TRAF3IP1: variants seen among roughly 807,000 people sequenced by gnomAD.
TRAF3IP1 encodes intraflagellar transport 54, also known as TRAF3-interacting protein 1.
TRAF3IP1 carries 53 observed loss-of-function variants against 89.9 expected under a neutral mutation model. The ratio of observed to expected loss-of-function variants is 0.59; its 90% confidence interval spans 0.47 to 0.74. TRAF3IP1 has a LOEUF of 0.74. TRAF3IP1 is among the 30% of genes least tolerant of loss of function. The pLI, the probability that TRAF3IP1 is intolerant of heterozygous loss-of-function variation, is 0.00. For synonymous variants in TRAF3IP1, 311 were observed against 322.1 expected (o/e 0.97, Z 0.37); for missense variants, 806 against 866.1 (o/e 0.93, Z 0.87).
chr2:238,333,431 A>G (rs565370407), intron 6 of TRAF3IP1, among the ~76,000 whole-genome samples: 3 of 152,260 alleles, frequency 2.0e-5, no homozygotes, highest in African/African-American at 7.2e-5. Context: ...TCCAATTTGC[A>G]TTTCAGGAGG....
chr2:238,328,157 G>C (rs1697930749), intron 3 of TRAF3IP1, among the ~76,000 whole-genome samples: 1 of 152,168 alleles, frequency 6.6e-6, no homozygotes, highest in Non-Finnish European at 1.5e-5. Flanking sequence ...TTGAGGAGCT[G>C]TTATACTATT....
At chr2:238,364,832 C>T (rs1202234989) in intron 15 of TRAF3IP1, among the ~76,000 whole-genome samples, 1 of 152,170 alleles carries the variant, frequency 6.6e-6, no homozygotes, top group East Asian at 1.9e-4. Context: ...AGACGTCACG[C>T]CCATATCTTG....
In TRAF3IP1 at chr2:238,338,343, G is replaced by A; in HGVS notation, c.1064-19G>A. 2 of 1,404,286 alleles carry A rather than the reference G, an allele frequency of 1.4e-6. No individual in the cohort carries two copies. The highest frequency in any genetic ancestry group is 1.4e-5 in the African/African-American group (1 of 69,302). The allele number at this position is 1,404,286 out of a possible 1,614,324, so 87.0% of individuals were successfully genotyped here. A position where few individuals can be genotyped will look rare whatever the true frequency, so the allele number is the denominator to read the frequency against. On this transcript the variant is annotated intron_variant, in intron 7 of 16. Coordinates refer to ENST00000373327, the MANE Select transcript of TRAF3IP1 (RefSeq NM_015650.4). ...ATCTTTTATAATATTTTAATCTGTT[G>A]TTAACTATTTTATGTCAGGAAGGAA... is the stretch of plus-strand genomic sequence containing the variant.
intron 3 of TRAF3IP1, among the ~76,000 whole-genome samples, chr2:238,327,414 C>T (rs71426517): frequency 0.027 from 4,116 of 152,230 alleles, 117 homozygotes; most frequent in South Asian, 0.066. Flanking sequence ...GCCTGGCACG[C>T]GGCAATCACG....
intron 15 of TRAF3IP1, among the ~76,000 whole-genome samples, chr2:238,390,502 G>A (rs1700949639): frequency 6.6e-6 from 1 of 152,118 alleles, no homozygotes; most frequent in Non-Finnish European, 1.5e-5. Flanking sequence ...TTCACTGTGC[G>A]CTAAAGTATT....
intron 14 of TRAF3IP1, 129 bp from the exon 15 acceptor site, chr2:238,355,875 T>G (rs1163982089): frequency 1.4e-6 from 1 of 694,744 alleles, no homozygotes; most frequent in African/African-American, 1.8e-5. Context: ...TAAAGATTAT[T>G]TGAAACTGTT....
chr2:238,334,257 CCT>C (rs1225676264), intron 7 of TRAF3IP1, among the ~76,000 whole-genome samples: 2 of 152,086 alleles, frequency 1.3e-5, no homozygotes, highest in East Asian at 1.9e-4. Flanking sequence ...CAGAGTAGCC[CCT>C]CTTTGCTGGA....
At chr2:238,366,162 G>A (rs1699865691) in intron 15 of TRAF3IP1, among the ~76,000 whole-genome samples, 2 of 151,970 alleles carry the variant, frequency 1.3e-5, no homozygotes, top group Admixed American at 1.3e-4. Flanking sequence ...AACCTGGGAG[G>A]CGGAGCTTGC....
Position 238,398,918 on chromosome 2 carries a change from G to A in TRAF3IP1, c.2075G>A (p.Ter692=). The A allele has an allele frequency of 6.3e-7, 1 of 1,595,634 alleles. No individual in the cohort carries two copies. The highest frequency in any genetic ancestry group is 8.5e-7 in the Non-Finnish European group (1 of 1,175,140). Reference sequence around the variant, plus strand: ...AGTATCAATTTGACTTCGAGAAGGTGAACACTCAAAAGTTTCAGAGATGAA... The same window carrying A: ...AGTATCAATTTGACTTCGAGAAGGTAAACACTCAAAAGTTTCAGAGATGAA... ...VYSINLTSRR[*] Residue 692 remains the stop codon, a stop_retained_variant, in exon 17 of 17, where the codon TGA becomes TAA. Coordinates refer to ENST00000373327, the MANE Select transcript of TRAF3IP1 (RefSeq NM_015650.4).
chr2:238,323,266 A>T (rs1697651880), intron 1 of TRAF3IP1, among the ~76,000 whole-genome samples: 1 of 152,046 alleles, frequency 6.6e-6, no homozygotes, highest in African/African-American at 2.4e-5. Context: ...TTTAGTAGAG[A>T]TGGGGTTTCG....
intron 8 of TRAF3IP1, among the ~76,000 whole-genome samples, chr2:238,342,215 C>T (rs1680516389): frequency 6.6e-6 from 1 of 152,140 alleles, no homozygotes; most frequent in Non-Finnish European, 1.5e-5. Context: ...TCTCAAACTC[C>T]TGAGCTCAGG....
In TRAF3IP1 at chr2:238,353,159, C is replaced by T. The variant is rs1364848553; in HGVS notation, c.1576-14C>T. On this transcript the variant is annotated splice_polypyrimidine_tract_variant and intron_variant, in intron 13 of 16. Transcript: ENST00000373327. The stretch of plus-strand genomic sequence containing the variant: ...AGCCTGAATCTTCTTTTTCCCCCTT[C>T]CTTTCCTGCTCAGGTAACAGCAGTG... 2.5e-6 allele frequency: 4 copies of T among 1,614,166 alleles called. No individual in the cohort carries two copies. The highest frequency in any genetic ancestry group is 8.5e-7 in the Non-Finnish European group (1 of 1,180,018).
At chr2:238,341,445 T>TAC (rs1201461457) in intron 8 of TRAF3IP1, among the ~76,000 whole-genome samples, 7 of 152,160 alleles carry the variant, frequency 4.6e-5, no homozygotes, top group African/African-American at 1.7e-4. Flanking sequence ...GCCAGAAAAG[T>TAC]ATTGTCTAAC....
At chr2:238,387,622 G>C (rs1011474553) in intron 15 of TRAF3IP1, among the ~76,000 whole-genome samples, 8 of 152,164 alleles carry the variant, frequency 5.3e-5, no homozygotes, top group Non-Finnish European at 8.8e-5. Context: ...ACATATATAA[G>C]ATTATTCAGA....
chr2:238,356,864 C>T (rs903962893), intron 15 of TRAF3IP1, among the ~76,000 whole-genome samples: 4 of 151,714 alleles, frequency 2.6e-5, no homozygotes, highest in Non-Finnish European at 4.4e-5. Flanking sequence ...CTGCAAGCTC[C>T]GCCTCCCGGG....
intron 15 of TRAF3IP1, among the ~76,000 whole-genome samples, chr2:238,385,060 G>A (rs952675850): frequency 6.6e-6 from 1 of 151,954 alleles, no homozygotes; most frequent in East Asian, 1.9e-4. Context: ...CTGTCCCCCA[G>A]GCTGGAGTGC....
At chr2:238,323,331 G>A (rs1215813030) in intron 1 of TRAF3IP1, among the ~76,000 whole-genome samples, 2 of 152,058 alleles carry the variant, frequency 1.3e-5, no homozygotes, top group African/African-American at 2.4e-5. Context: ...CGCCTGCCTC[G>A]GCCTCCCAAA....
chr2:238,397,700 G>C, intron 16 of TRAF3IP1, 21 bp downstream of exon 16: 2 of 1,463,754 alleles, frequency 1.4e-6, no homozygotes, highest in Non-Finnish European at 1.9e-6. Context: ...GTAATGGGGA[G>C]GGGGCCCTGC....
intron 1 of TRAF3IP1, among the ~76,000 whole-genome samples, chr2:238,321,911 G>T (rs1697566694): frequency 6.6e-6 from 1 of 152,162 alleles, no homozygotes; most frequent in South Asian, 2.1e-4. Context: ...TGCTTTACTG[G>T]TTCTGCCCTC....
Sources: allele counts gnomAD v4.1 joint callset (sites outside exome capture counted in the v4.1 genomes callset), GRCh38; gene constraint gnomAD v4.1.1; transcripts MANE v1.5; gene names NCBI Gene and HGNC (gene_info 2026-07-23, HGNC 2026-07-21).